EFCAB11: variants seen among roughly 807,000 people sequenced by gnomAD.
EFCAB11 encodes the protein EF-hand calcium-binding domain-containing protein 11.
A neutral mutation model predicts 23.0 loss-of-function variants in EFCAB11; 14 were observed. That is an observed-to-expected ratio of 0.61 (90% CI 0.40 to 0.95). The LOEUF is 0.95. Ranked by LOEUF, EFCAB11 falls within the 40% of genes least tolerant of loss-of-function variation. The pLI, the probability that EFCAB11 is intolerant of heterozygous loss-of-function variation, is 0.00. For missense variants in EFCAB11, 198 were observed against 195.8 expected, an observed-to-expected ratio of 1.01 and a Z score of -0.07; for synonymous variants, 65 against 66.6, an observed-to-expected ratio of 0.98 and a Z score of 0.11.
At chr14:89,921,192 C>T (rs1046427560) in intron 5 of EFCAB11, among the ~76,000 whole-genome samples, 1 of 151,926 alleles carries the variant, frequency 6.6e-6, no homozygotes, top group African/African-American at 2.4e-5. Flanking sequence ...AGTGAACCTG[C>T]CATAAACAAA....
At chr14:89,801,059 A>AAAAG (rs1555369622) in intron 5 of EFCAB11, among the ~76,000 whole-genome samples, 4 of 138,780 alleles carry the variant, frequency 2.9e-5, no homozygotes, top group African/African-American at 2.7e-5. Context: ...AAAAAAAAAA[A>AAAAG]AGAAGTACTG....
chr14:89,880,625 G>C (rs576520965), intron 5 of EFCAB11, among the ~76,000 whole-genome samples: 2 of 151,870 alleles, frequency 1.3e-5, no homozygotes, highest in East Asian at 3.9e-4. Context: ...AAATAAAATA[G>C]AAAAAATAAA....
intron 5 of EFCAB11, among the ~76,000 whole-genome samples, chr14:89,898,443 C>CA (rs1173443756): frequency 6.6e-6 from 1 of 152,148 alleles, no homozygotes; most frequent in Non-Finnish European, 1.5e-5. Context: ...CGGCTCACTG[C>CA]AACCTCCACC....
At chr14:89,830,489 T>A (rs1280950308) in intron 5 of EFCAB11, 1 of 152,254 alleles carries the variant, frequency 6.6e-6, no homozygotes, top group Admixed American at 6.5e-5. Context: ...TTCACTTTTA[T>A]TAATTTTTAC....
intron 5 of EFCAB11, among the ~76,000 whole-genome samples, chr14:89,812,703 A>G (rs1042927609): frequency 1.3e-5 from 2 of 152,238 alleles, no homozygotes; most frequent in Non-Finnish European, 2.9e-5. Flanking sequence ...TTAACAAAGG[A>G]TCATGGAAAA....
intron 5 of EFCAB11, among the ~76,000 whole-genome samples, chr14:89,891,498 G>A (rs909234872): frequency 2.0e-5 from 3 of 152,118 alleles, no homozygotes; most frequent in Non-Finnish European, 4.4e-5. Context: ...TCAGAAGCAA[G>A]AGGTTTCTGA....
At chr14:89,812,751 C>T (rs2140091241) in intron 5 of EFCAB11, among the ~76,000 whole-genome samples, 1 of 152,228 alleles carries the variant, frequency 6.6e-6, no homozygotes, top group South Asian at 2.1e-4. Context: ...AGATCATCAC[C>T]CCATGCTATA....
intron 5 of EFCAB11, among the ~76,000 whole-genome samples, chr14:89,895,409 A>G (rs1438668083): frequency 2.6e-5 from 4 of 152,226 alleles, no homozygotes; most frequent in African/African-American, 9.6e-5. Flanking sequence ...ACACTGCTAA[A>G]GACGAAAAAT....
intron 5 of EFCAB11, among the ~76,000 whole-genome samples, chr14:89,857,758 T>C (rs1887798590): frequency 6.6e-6 from 1 of 152,202 alleles, no homozygotes; most frequent in Non-Finnish European, 1.5e-5. Context: ...AAACAATAAG[T>C]TCTGAATTAT....
intron 5 of EFCAB11, among the ~76,000 whole-genome samples, chr14:89,812,537 A>G (rs1316509796): frequency 1.3e-5 from 2 of 152,246 alleles, no homozygotes; most frequent in African/African-American, 2.4e-5. Context: ...AGGTTTTAGA[A>G]CATATTGTCA....
chr14:89,826,752 T>C (rs1384207577), intron 5 of EFCAB11, among the ~76,000 whole-genome samples: 1 of 152,180 alleles, frequency 6.6e-6, no homozygotes, highest in East Asian at 1.9e-4. Context: ...TAGCCTCCCA[T>C]TCCACACTTC....
chr14:89,922,723 G>C (rs767614198), intron 5 of EFCAB11, among the ~76,000 whole-genome samples: 51 of 152,122 alleles, frequency 3.4e-4, no homozygotes, highest in Non-Finnish European at 3.7e-4. Context: ...GGAGTGTGAT[G>C]ATGAATACCC....
chr14:89,836,958 G>A (rs116058255), intron 5 of EFCAB11: 4 of 449,488 alleles, frequency 8.9e-6, no homozygotes, highest in Non-Finnish European at 1.8e-5. Flanking sequence ...GGAAGTGGAG[G>A]CTGCAGTGAG....
intron 5 of EFCAB11, among the ~76,000 whole-genome samples, chr14:89,797,834 G>A (rs1193961978): frequency 6.6e-6 from 1 of 152,148 alleles, no homozygotes; most frequent in Non-Finnish European, 1.5e-5. Context: ...TTGGGAGGCT[G>A]AGGCAGGAGA....
chr14:89,821,631 T>C (rs911857388), intron 5 of EFCAB11, among the ~76,000 whole-genome samples: 1 of 152,164 alleles, frequency 6.6e-6, no homozygotes, highest in African/African-American at 2.4e-5. Flanking sequence ...AGGCCTGTGG[T>C]CCCTGAAAAG....
intron 3 of EFCAB11, among the ~76,000 whole-genome samples, chr14:89,948,895 T>TA (rs995011762): frequency 6.8e-6 from 1 of 147,966 alleles, no homozygotes; most frequent in East Asian, 2.0e-4. Context: ...AAAAAAAAAA[T>TA]AGAGTAAGAC....
intron 5 of EFCAB11, chr14:89,923,873 A>T: frequency 2.0e-6 from 2 of 985,462 alleles, no homozygotes; most frequent in Non-Finnish European, 1.2e-6. Flanking sequence ...TAAAAATTAC[A>T]GTGAGAAATA....
In EFCAB11 at chr14:89,922,129, C is replaced by T. The variant is rs1049452989; in HGVS notation, c.410+9412G>A. On this transcript the variant is annotated intron_variant, in intron 5 of 5. Transcript: ENST00000316738. Reference sequence around the variant, plus strand: ...GACAGCTGAATTAAAAGAAAAATAGCCCTCATGCTATTACAGCAAGAACAG... The same window carrying T: ...GACAGCTGAATTAAAAGAAAAATAGTCCTCATGCTATTACAGCAAGAACAG... Among the ~76,000 whole-genome samples, 6 of 152,282 alleles carry T rather than the reference C, an allele frequency of 3.9e-5. No individual in the cohort carries two copies. In the South Asian group the frequency reaches 8.3e-4, roughly 21 times the overall value.
At chr14:89,917,122 A>C (rs1889876558) in intron 5 of EFCAB11, among the ~76,000 whole-genome samples, 1 of 149,914 alleles carries the variant, frequency 6.7e-6, no homozygotes, top group African/African-American at 2.5e-5. Context: ...AACACTTAAG[A>C]TCTGCTCCCT....
Sources: gnomAD v4.1 joint callset for allele counts (sites outside exome capture counted in the v4.1 genomes callset) on GRCh38, gnomAD v4.1.1 for gene constraint, MANE v1.5 for transcripts, NCBI Gene and HGNC (gene_info 2026-07-23, HGNC 2026-07-21) for gene names.